Variants in EIPR1 observed in about 807,000 individuals in gnomAD.
The protein encoded by EIPR1 is EARP and GARP complex-interacting protein 1.
In EIPR1, 25 loss-of-function variants were observed where a neutral mutation model predicts 48.1. That is an observed-to-expected ratio of 0.52 (90% confidence interval 0.38 to 0.73). EIPR1 has a LOEUF of 0.73. Among genes scored for constraint, EIPR1 ranks in the 30% least tolerant of loss-of-function variants. The probability of loss-of-function intolerance (pLI) is 0.00; values close to 1 mark genes in which losing one functional copy is unlikely to be tolerated. For missense variants in EIPR1, 415 were observed against 506.2 expected (o/e 0.82, Z 1.73); for synonymous variants, 204 against 201.9 (o/e 1.01, Z -0.09).
chr2:3,263,510 A>G (rs1667397003), intron 3 of EIPR1, among the ~76,000 whole-genome samples: 1 of 152,188 alleles, frequency 6.6e-6, no homozygotes, highest in African/African-American at 2.4e-5. Flanking sequence ...AATAGCACAT[A>G]ATCAGAGAAG....
At chr2:3,290,829 C>G (rs2103273317) in intron 3 of EIPR1, among the ~76,000 whole-genome samples, 1 of 152,330 alleles carries the variant, frequency 6.6e-6, no homozygotes, top group Non-Finnish European at 1.5e-5. Flanking sequence ...TAATTGCCAT[C>G]AGATTGCATG....
At chr2:3,314,212 A>T (rs962699057) in intron 3 of EIPR1, among the ~76,000 whole-genome samples, 3 of 152,116 alleles carry the variant, frequency 2.0e-5, no homozygotes, top group African/African-American at 7.2e-5. Flanking sequence ...TGAAAAATTC[A>T]TCCCAGTTCT....
At chr2:3,242,239 T>C (rs1337797885) in intron 4 of EIPR1, among the ~76,000 whole-genome samples, 17 of 75,812 alleles carry the variant, frequency 2.2e-4, no homozygotes, top group East Asian at 4.3e-4. Flanking sequence ...CTCCACACCA[T>C]GGGCCCGGCA....
intron 4 of EIPR1, among the ~76,000 whole-genome samples, chr2:3,237,005 CG>C (rs1185316931): frequency 2.6e-5 from 4 of 152,182 alleles, no homozygotes; most frequent in Admixed American, 1.3e-4. Context: ...AAAACAAAGC[CG>C]GGTGGCTGTG....
intron 3 of EIPR1, among the ~76,000 whole-genome samples, chr2:3,272,817 G>A (rs575156541): frequency 2.6e-5 from 4 of 152,164 alleles, no homozygotes; most frequent in African/African-American, 4.8e-5. Context: ...CAGGGTTGCC[G>A]CAAACCTTCA....
chr2:3,248,927 T>C (rs956595058), intron 4 of EIPR1, among the ~76,000 whole-genome samples: 14 of 152,354 alleles, frequency 9.2e-5, no homozygotes, highest in African/African-American at 3.4e-4. Flanking sequence ...GCTGCTGCCA[T>C]GCTTCCTGTA....
At chr2:3,199,139 C>T (rs959437149) in intron 5 of EIPR1, among the ~76,000 whole-genome samples, 5 of 145,876 alleles carry the variant, frequency 3.4e-5, no homozygotes, top group African/African-American at 2.5e-5. Context: ...AAGAATTCAG[C>T]GATATTTATC....
chr2:3,259,326 T>A (rs1667256354), intron 3 of EIPR1, among the ~76,000 whole-genome samples: 2 of 151,988 alleles, frequency 1.3e-5, no homozygotes. Context: ...TTTGGAGAAT[T>A]CTGTTCAGGT....
At chr2:3,318,749 CA>C (rs1319237016) in intron 3 of EIPR1, 8 of 436,712 alleles carry the variant, frequency 1.8e-5, no homozygotes, top group Non-Finnish European at 3.8e-5. Context: ...CACACCGTTC[CA>C]AACTCTGAAG....
intron 3 of EIPR1, among the ~76,000 whole-genome samples, chr2:3,318,093 C>T (rs750004902): frequency 7.9e-5 from 12 of 152,262 alleles, no homozygotes; most frequent in Non-Finnish European, 1.3e-4. Flanking sequence ...TGGCTCCTAA[C>T]GGCTCCTCTC....
chr2:3,366,235 G>C (rs541576382), intron 1 of EIPR1, among the ~76,000 whole-genome samples: 30 of 152,228 alleles, frequency 2.0e-4, no homozygotes, highest in Non-Finnish European at 2.2e-4. Flanking sequence ...TTGAACCCAG[G>C]AGGCAGAGGT....
chr2:3,330,559 G>A, intron 3 of EIPR1, among the ~76,000 whole-genome samples: 2 of 106,486 alleles, frequency 1.9e-5, no homozygotes, highest in East Asian at 5.5e-4. Flanking sequence ...GCAGAGGTAG[G>A]AATGCGCACA....
At chr2:3,332,273 C>A (rs1188308281) in intron 3 of EIPR1, among the ~76,000 whole-genome samples, 2 of 152,200 alleles carry the variant, frequency 1.3e-5, no homozygotes, top group Non-Finnish European at 2.9e-5. Flanking sequence ...AAGTGAGATG[C>A]ACGGAAAGGT....
intron 5 of EIPR1, among the ~76,000 whole-genome samples, chr2:3,202,880 T>C (rs1017453309): frequency 5.9e-5 from 9 of 152,204 alleles, no homozygotes; most frequent in Admixed American, 4.6e-4. Context: ...ATCAACCAAC[T>C]ACCAATTAGC....
At chr2:3,327,111 G>C (rs1489993255) in intron 3 of EIPR1, among the ~76,000 whole-genome samples, 2 of 152,246 alleles carry the variant, frequency 1.3e-5, no homozygotes, top group African/African-American at 4.8e-5. Context: ...CCGGGAGATG[G>C]GGTGGGACCC....
intron 4 of EIPR1, among the ~76,000 whole-genome samples, chr2:3,230,167 A>C (rs572376417): frequency 6.6e-6 from 1 of 151,308 alleles, no homozygotes; most frequent in South Asian, 2.1e-4. Context: ...TTTTATTTGT[A>C]AATGGAACTG....
intron 3 of EIPR1, among the ~76,000 whole-genome samples, chr2:3,321,936 C>T (rs1669542278): frequency 6.6e-6 from 1 of 152,238 alleles, no homozygotes; most frequent in Admixed American, 6.5e-5. Flanking sequence ...CACAGCCACG[C>T]ATGAGCTCAA....
intron 4 of EIPR1, among the ~76,000 whole-genome samples, chr2:3,215,899 T>C (rs1238723438): frequency 6.6e-6 from 1 of 152,224 alleles, no homozygotes; most frequent in Non-Finnish European, 1.5e-5. Context: ...ACATCACGTC[T>C]ATATTAGACC....
At chr2:3,353,490 G>A (rs559740372) in intron 2 of EIPR1, among the ~76,000 whole-genome samples, 161 of 152,300 alleles carry the variant, frequency 1.1e-3, no homozygotes, top group African/African-American at 3.8e-3. Context: ...TTCACTGTGA[G>A]TAACCAGATT....
Sources: gnomAD v4.1 joint callset for allele counts (sites outside exome capture counted in the v4.1 genomes callset) on GRCh38, gnomAD v4.1.1 for gene constraint, MANE v1.5 for transcripts, NCBI Gene and HGNC (gene_info 2026-07-23, HGNC 2026-07-21) for gene names.